The following EXD1 variants were observed in gnomAD, a reference collection of about 807,000 sequenced individuals.
EXD1 encodes the protein piRNA biogenesis protein EXD1.
Under a neutral mutation model 49.1 loss-of-function variants are expected in EXD1, and 63 were observed. That is an observed-to-expected ratio of 1.28 (90% CI 1.05 to 1.58). The LOEUF (loss-of-function observed/expected upper bound fraction) is 1.58, where lower values mean the gene tolerates loss of function less well. EXD1 is among the 40% of genes most tolerant of loss of function. The pLI is 0.00. For missense variants in EXD1, 748 were observed against 666.0 expected, an observed-to-expected ratio of 1.12 and a Z score of -1.36; for synonymous variants, 234 against 239.2, an observed-to-expected ratio of 0.98 and a Z score of 0.20.
At chr15:41,222,638 A>ATT (rs10555628) in intron 2 of EXD1, among the ~76,000 whole-genome samples, 10 of 133,776 alleles carry the variant, frequency 7.5e-5, no homozygotes, top group Non-Finnish European at 1.1e-4. Flanking sequence ...TTTTATTTAA[A>ATT]TTTTTTTTTT....
At chr15:41,217,068 T>C in intron 4 of EXD1, 29 bp downstream of exon 4, 1 of 1,595,598 alleles carries the variant, frequency 6.3e-7, no homozygotes, top group Non-Finnish European at 8.6e-7. Context: ...TTGGAAAATA[T>C]CATAATTAAG....
At position 41,184,057 on chromosome 15, in the gene EXD1, CT is replaced by C. The variant is rs1234527911; in HGVS notation, c.1592del (p.Gln531ArgfsTer35). The C allele has an allele frequency of 3.1e-6, 5 of 1,614,162 alleles. No homozygotes were observed. The highest frequency in any genetic ancestry group is 4.5e-5 in the East Asian group (2 of 44,874). On this transcript the variant is annotated frameshift_variant, in exon 12 of 12. Coordinates refer to ENST00000458580, the MANE Select transcript of EXD1 (RefSeq NM_001286441.2). LOFTEE classifies it low-confidence loss of function (END_TRUNC). ...KQAVSMSSFP[Q>X]ETRVSPSDTF... ...TGTCACTTGGAGACACTCTGGTTTC[CT>C]GAGGAAAGGAAGACATTGAAACAGC...
intron 6 of EXD1, among the ~76,000 whole-genome samples, chr15:41,214,647 C>A (rs1052691934): frequency 6.6e-6 from 1 of 152,174 alleles, no homozygotes; most frequent in African/African-American, 2.4e-5. Context: ...TTCTTCTTCA[C>A]TGTGGTCCTG....
chr15:41,214,904 C>G (rs147375610), intron 6 of EXD1, among the ~76,000 whole-genome samples: 1 of 152,114 alleles, frequency 6.6e-6, no homozygotes, highest in African/African-American at 2.4e-5. Flanking sequence ...TGCCAGCATG[C>G]CCGGCTATTT....
rs746622334 is a variant in EXD1, at chr15:41,195,856, C to G, written c.640-1G>C. 1 of 1,613,210 alleles carries G rather than the reference C, an allele frequency of 6.2e-7. No homozygotes were observed. Among genetic ancestry groups the G allele is most frequent in the Admixed American group, 1.7e-5 (1 of 59,668 alleles). ...AAAGCCAACGACAATCATGGATAAC[C>G]TAAGGAATCAGAAGGAAACAGTCAT... is the stretch of plus-strand genomic sequence containing the variant. On this transcript the variant is annotated splice_acceptor_variant, in intron 8 of 11. Coordinates refer to ENST00000458580, the MANE Select transcript of EXD1 (RefSeq NM_001286441.2). LOFTEE classifies it high-confidence loss of function.
intron 2 of EXD1, among the ~76,000 whole-genome samples, chr15:41,225,313 A>C (rs2140908532): frequency 6.6e-6 from 1 of 152,326 alleles, no homozygotes; most frequent in Admixed American, 6.5e-5. Context: ...GGGCCAGCAT[A>C]GTGGCTCAAG....
chr15:41,195,709 A>C (rs982781934), intron 9 of EXD1, 66 bp downstream of exon 9: 56 of 1,225,434 alleles, frequency 4.6e-5, no homozygotes, highest in Admixed American at 2.1e-4. Flanking sequence ...TCAGATGACC[A>C]GATGAGCCCT....
At chr15:41,223,854 G>C (rs550785394) in intron 2 of EXD1, among the ~76,000 whole-genome samples, 3 of 151,882 alleles carry the variant, frequency 2.0e-5, no homozygotes, top group Non-Finnish European at 4.4e-5. Flanking sequence ...GACACAGCGA[G>C]ACTCTGTTTC....
intron 1 of EXD1, among the ~76,000 whole-genome samples, chr15:41,228,185 CTATAGT>C (rs1387326550): frequency 1.3e-5 from 2 of 152,094 alleles, no homozygotes; most frequent in African/African-American, 4.8e-5. Context: ...AAGTATTCTT[CTATAGT>C]TTTTTAAATT....
chr15:41,211,855 A>C (rs2046926150), intron 6 of EXD1, among the ~76,000 whole-genome samples: 1 of 151,684 alleles, frequency 6.6e-6, no homozygotes, highest in African/African-American at 2.4e-5. Context: ...CAAGTTACTC[A>C]GGAGGCTGAG....
chr15:41,201,979 C>T (rs951883170), intron 7 of EXD1, among the ~76,000 whole-genome samples: 1 of 151,762 alleles, frequency 6.6e-6, no homozygotes, highest in Non-Finnish European at 1.5e-5. Context: ...AAAGCAAGAC[C>T]CCTGTCTGTA....
At chr15:41,203,916 CAAAAAAAAAAAAAA>C (rs1187093511) in intron 7 of EXD1, among the ~76,000 whole-genome samples, 6 of 23,246 alleles carry the variant, frequency 2.6e-4, no homozygotes, top group Admixed American at 6.7e-4. Flanking sequence ...GACTTCTCCT[CAAAAAAAAAAAAAA>C]AAAAAAAAAA....
At chr15:41,196,060 A>C (rs1322258672) in intron 7 of EXD1, 23 bp from the exon 8 acceptor site, 19 of 1,564,210 alleles carry the variant, frequency 1.2e-5, no homozygotes, top group Non-Finnish European at 1.7e-5. Flanking sequence ...ATCCAGACAC[A>C]CATACCATAG....
chr15:41,187,468 G>A (rs1402508127), intron 11 of EXD1, among the ~76,000 whole-genome samples: 1 of 152,142 alleles, frequency 6.6e-6, no homozygotes, highest in Non-Finnish European at 1.5e-5. Context: ...TCCATGGGGG[G>A]ATGTTGGAAC....
At chr15:41,227,909 C>T (rs1566997900) in intron 1 of EXD1, among the ~76,000 whole-genome samples, 1 of 151,448 alleles carries the variant, frequency 6.6e-6, no homozygotes, top group Non-Finnish European at 1.5e-5. Context: ...AATTAGCCAG[C>T]TGTAGTGACG....
At chr15:41,229,611 A>G (rs1417964755) in intron 1 of EXD1, among the ~76,000 whole-genome samples, 2 of 152,150 alleles carry the variant, frequency 1.3e-5, no homozygotes, top group African/African-American at 4.8e-5. Flanking sequence ...TCTACTAAAA[A>G]TACAAAATTA....
chr15:41,225,974 T>C (rs11070322), intron 2 of EXD1, among the ~76,000 whole-genome samples: 44,135 of 151,800 alleles, frequency 0.29, 8,996 homozygotes, highest in African/African-American at 0.57. Flanking sequence ...CACACCAGGC[T>C]CGGCATGGTG....
At chr15:41,222,063 A>G (rs1296521441) in intron 2 of EXD1, among the ~76,000 whole-genome samples, 2 of 151,840 alleles carry the variant, frequency 1.3e-5, no homozygotes, top group African/African-American at 4.8e-5. Flanking sequence ...TCACGCCACT[A>G]CACTCCAGAC....
At position 41,217,141 on chromosome 15, in the gene EXD1, A is replaced by G; in HGVS notation, c.216T>C (p.Asp72=). 1.2e-6 allele frequency: 2 copies of G among 1,612,350 alleles called. No individual in the cohort carries two copies. The highest frequency in any genetic ancestry group is 1.3e-5 in the African/African-American group (1 of 75,032). The part of the protein sequence containing the change: ...GHEIVNVELL[D]EVEQGSVRAK... ...CTCTCACTGAGCCTTGTTCCACTTC[A>G]TCTAGTAGTTCCACTGTAAAATAAC... The change falls in exon 4 of 12, where the codon GAT becomes GAC. Residue 72 remains aspartate, a synonymous_variant. Coordinates refer to ENST00000458580, the MANE Select transcript of EXD1 (RefSeq NM_001286441.2).
Sources: gnomAD v4.1 joint callset for allele counts (sites outside exome capture counted in the v4.1 genomes callset) on GRCh38, gnomAD v4.1.1 for gene constraint, MANE v1.5 for transcripts, NCBI Gene and HGNC (gene_info 2026-07-23, HGNC 2026-07-21) for gene names.